Variants in PSEN1 observed in about 807,000 individuals in gnomAD.
PSEN1 encodes presenilin-1.
Under a neutral mutation model 53.5 loss-of-function variants are expected in PSEN1, and 15 were observed. The observed-to-expected ratio is 0.28, with a 90% CI of 0.19 to 0.43. PSEN1 has a LOEUF of 0.43. Among genes scored for constraint, PSEN1 ranks in the 20% least tolerant of loss-of-function variants. The pLI is 1.00. For synonymous variants in PSEN1, 208 were observed against 209.8 expected (o/e 0.99, Z 0.08); for missense variants, 387 against 571.2 (o/e 0.68, Z 3.29).
intron 5 of PSEN1, among the ~76,000 whole-genome samples, chr14:73,185,464 G>C (rs1025448756): frequency 6.6e-6 from 1 of 152,236 alleles, no homozygotes; most frequent in Admixed American, 6.5e-5. Flanking sequence ...GCGTGGCGGC[G>C]TGAGTCTGCA....
intron 9 of PSEN1, chr14:73,208,914 C>T (rs569769165): frequency 1.4e-4 from 63 of 454,548 alleles, no homozygotes; most frequent in Admixed American, 6.6e-4. Flanking sequence ...TGCAGGCCCA[C>T]GGTAAGCTGC....
chr14:73,173,421 C>G, intron 4 of PSEN1, 145 bp from the exon 5 acceptor site: 2 of 772,038 alleles, frequency 2.6e-6, no homozygotes, highest in Admixed American at 4.7e-5. Context: ...GTTAAAAATT[C>G]TTAGCTAGAT....
chr14:73,164,023 C>T (rs1224286851), intron 3 of PSEN1, among the ~76,000 whole-genome samples: 1 of 151,810 alleles, frequency 6.6e-6, no homozygotes, highest in Non-Finnish European at 1.5e-5. Flanking sequence ...AACAGTAATC[C>T]AAATGATAGA....
intron 9 of PSEN1, among the ~76,000 whole-genome samples, chr14:73,208,007 G>A (rs927495267): frequency 3.9e-5 from 6 of 152,208 alleles, no homozygotes; most frequent in Non-Finnish European, 7.3e-5. Context: ...GGAAAGAATT[G>A]CCACAAGCCT....
chr14:73,137,528 G>A (rs1896779574), intron 1 of PSEN1, among the ~76,000 whole-genome samples: 1 of 152,140 alleles, frequency 6.6e-6, no homozygotes, highest in Admixed American at 6.5e-5. Flanking sequence ...GTTGATGTTG[G>A]AGCAGTGGAG....
At chr14:73,162,962 T>G (rs1594985680) in intron 3 of PSEN1, among the ~76,000 whole-genome samples, 1 of 152,236 alleles carries the variant, frequency 6.6e-6, no homozygotes, top group South Asian at 2.1e-4. Context: ...ACCTATGTAT[T>G]TATTTATTTT....
chr14:73,165,374 G>A (rs918706048), intron 3 of PSEN1, among the ~76,000 whole-genome samples: 9 of 152,178 alleles, frequency 5.9e-5, no homozygotes, highest in Non-Finnish European at 1.3e-4. Flanking sequence ...AGGCTCAAAC[G>A]ATTCTCCTGC....
chr14:73,181,717 T>G (rs1011032725), intron 5 of PSEN1, among the ~76,000 whole-genome samples: 2 of 152,238 alleles, frequency 1.3e-5, no homozygotes, highest in Non-Finnish European at 2.9e-5. Flanking sequence ...TTAAGGTCTT[T>G]ACACACGCCT....
At chr14:73,198,159 T>A in intron 8 of PSEN1, 30 bp downstream of exon 8, 1 of 1,258,736 alleles carries the variant, frequency 7.9e-7, no homozygotes, top group Non-Finnish European at 1.2e-6. Flanking sequence ...ATTGAATTAG[T>A]AATCAGTGTA....
intron 7 of PSEN1, among the ~76,000 whole-genome samples, chr14:73,193,593 G>C (rs1216830441): frequency 3.3e-5 from 5 of 150,808 alleles, no homozygotes; most frequent in Admixed American, 3.3e-4. Context: ...AAGCAGAGTG[G>C]TAGACACACA....
At chr14:73,139,591 A>G (rs778214742) in intron 1 of PSEN1, among the ~76,000 whole-genome samples, 2 of 152,326 alleles carry the variant, frequency 1.3e-5, no homozygotes, top group East Asian at 3.9e-4. Context: ...AAAAAAGAAA[A>G]AAAAGGGGGG....
At chr14:73,159,342 C>T (rs1343363786) in intron 3 of PSEN1, among the ~76,000 whole-genome samples, 1 of 152,130 alleles carries the variant, frequency 6.6e-6, no homozygotes, top group African/African-American at 2.4e-5. Context: ...CCACTGCACC[C>T]AGCTAATTCC....
intron 5 of PSEN1, 56 bp from the exon 6 acceptor site, chr14:73,186,795 CTG>C (rs1898531103): frequency 2.1e-6 from 3 of 1,409,810 alleles, no homozygotes; most frequent in East Asian, 4.6e-5. Flanking sequence ...AAAAAAAAAT[CTG>C]TACTTTTTAA....
chr14:73,194,509 C>T (rs1279718076), intron 7 of PSEN1, among the ~76,000 whole-genome samples: 2 of 150,988 alleles, frequency 1.3e-5, no homozygotes, highest in African/African-American at 4.8e-5. Flanking sequence ...GATCCTCCCA[C>T]CTTGGCCTGC....
intron 4 of PSEN1, 140 bp downstream of exon 4, chr14:73,171,187 T>A: frequency 2.0e-6 from 2 of 993,724 alleles, no homozygotes; most frequent in Non-Finnish European, 3.1e-6. Context: ...TCAGGAGCAG[T>A]TGAGAGAGCG....
chr14:73,183,709 ACACGGCAAC>A, intron 5 of PSEN1, among the ~76,000 whole-genome samples: 1 of 151,648 alleles, frequency 6.6e-6, no homozygotes, highest in Non-Finnish European at 1.5e-5. Flanking sequence ...TTCTACACAG[ACACGGCAAC>A]CATCCGATTT....
At position 73,136,507 on chromosome 14, in the gene PSEN1, G is replaced by C. The variant is rs1367752749; in HGVS notation, c.-212G>C. 6.5e-6 allele frequency: 1 copy of C among 152,946 alleles called. No individual in the cohort carries two copies. The highest frequency in any genetic ancestry group is 1.5e-5 in the Non-Finnish European group (1 of 68,258). The allele number at this position is 152,946 out of a possible 1,614,324, so 9.5% of individuals were successfully genotyped here. On this transcript the variant is annotated 5_prime_UTR_variant, in exon 1 of 12. Coordinates refer to ENST00000324501, the MANE Select transcript of PSEN1 (RefSeq NM_000021.4). ...GCTCCGGGGTCCGCGGTTTCACATC[G>C]GAAACAAAACAGCGGCTGGTCTGGA...
chr14:73,190,974 T>C (rs1898693290), intron 6 of PSEN1, among the ~76,000 whole-genome samples: 1 of 152,242 alleles, frequency 6.6e-6, no homozygotes, highest in African/African-American at 2.4e-5. Context: ...GGAATCATCT[T>C]TTTGGATGGT....
intron 8 of PSEN1, 35 bp from the exon 9 acceptor site, chr14:73,206,351 C>T (rs757610546): frequency 6.7e-7 from 1 of 1,494,360 alleles, no homozygotes; most frequent in East Asian, 2.3e-5. Flanking sequence ...CTTTGTGTGT[C>T]CAGTGCTTAC....
Sources: allele counts gnomAD v4.1 joint callset (sites outside exome capture counted in the v4.1 genomes callset), GRCh38; gene constraint gnomAD v4.1.1; transcripts MANE v1.5; gene names NCBI Gene and HGNC (gene_info 2026-07-23, HGNC 2026-07-21).